TBATA: variants seen among roughly 807,000 people sequenced by gnomAD.
The protein encoded by TBATA is thymus, brain and testes associated, also known as protein TBATA.
Under a neutral mutation model 38.7 loss-of-function variants are expected in TBATA, and 47 were observed. The ratio of observed to expected loss-of-function variants is 1.21; its 90% CI spans 0.96 to 1.55. The LOEUF (loss-of-function observed/expected upper bound fraction) is 1.55, where lower values mean the gene tolerates loss of function less well. Ranked by LOEUF, TBATA falls within the 40% of genes most tolerant of loss-of-function variation. The probability of loss-of-function intolerance (pLI) is 0.00; values close to 1 mark genes in which losing one functional copy is unlikely to be tolerated. For missense variants in TBATA, 436 were observed against 435.6 expected, an observed-to-expected ratio of 1.00 and a Z score of -0.01; for synonymous variants, 183 against 170.5, an observed-to-expected ratio of 1.07 and a Z score of -0.57.
chr10:70,774,629 G>A (rs563784445), intron 8 of TBATA, among the ~76,000 whole-genome samples: 6 of 152,050 alleles, frequency 3.9e-5, no homozygotes, highest in African/African-American at 9.7e-5. Context: ...CCGGGCCCAC[G>A]CTGGGAAGTC....
chr10:70,775,308 C>G, intron 7 of TBATA, 38 bp from the exon 8 acceptor site: 1 of 1,581,308 alleles, frequency 6.3e-7, no homozygotes, highest in Non-Finnish European at 8.7e-7. Flanking sequence ...GCCAGGAGTA[C>G]AGGCAAGGAG....
chr10:70,772,456 A>C, intron 10 of TBATA, 58 bp downstream of exon 10: 2 of 1,551,014 alleles, frequency 1.3e-6, no homozygotes, highest in South Asian at 2.2e-5. Context: ...CCCCTGAGAA[A>C]TCCAGCCAGA....
At chr10:70,783,854 A>G (rs183559157) in intron 2 of TBATA, among the ~76,000 whole-genome samples, 59 of 152,358 alleles carry the variant, frequency 3.9e-4, no homozygotes, top group Admixed American at 1.8e-3. Context: ...TGGTTTTGCG[A>G]TGTTATATTT....
intron 10 of TBATA, chr10:70,772,213 T>C (rs1842859659): frequency 1.7e-6 from 1 of 586,024 alleles, no homozygotes. Flanking sequence ...CCTTACAGTA[T>C]CTGTCTCCAC....
chr10:70,782,293 G>A, intron 3 of TBATA: 1 of 1,490,288 alleles, frequency 6.7e-7, no homozygotes. Flanking sequence ...GACTCTCCCA[G>A]CACCCCAGTT....
At chr10:70,776,101 G>A (rs1182983962) in intron 7 of TBATA, among the ~76,000 whole-genome samples, 3 of 152,130 alleles carry the variant, frequency 2.0e-5, no homozygotes, top group African/African-American at 7.2e-5. Context: ...TCCTAAGAAA[G>A]TGAGGCCCCC....
At chr10:70,779,898 A>G (rs1843945148) in intron 4 of TBATA, 156 bp from the exon 5 acceptor site, 3 of 774,302 alleles carry the variant, frequency 3.9e-6, no homozygotes, top group Non-Finnish European at 5.7e-6. Flanking sequence ...CATTGTAACC[A>G]CCTAGACCAG....
chr10:70,782,379 G>A (rs969534494), intron 3 of TBATA: 2 of 1,338,116 alleles, frequency 1.5e-6, no homozygotes, highest in Non-Finnish European at 2.0e-6. Flanking sequence ...CCAGGATGGA[G>A]CAAAGTCACC....
At chr10:70,772,438 A>C in intron 10 of TBATA, 76 bp downstream of exon 10, 1 of 1,402,018 alleles carries the variant, frequency 7.1e-7, no homozygotes, top group Non-Finnish European at 1.0e-6. Flanking sequence ...CTCCAAGTTG[A>C]CTGGAATCCC....
intron 2 of TBATA, among the ~76,000 whole-genome samples, chr10:70,783,887 T>C (rs1238048130): frequency 6.6e-6 from 1 of 152,274 alleles, no homozygotes; most frequent in African/African-American, 2.4e-5. Flanking sequence ...TAACTCAATT[T>C]ACTTTTTATT....
chr10:70,785,079 A>T (rs935861610), intron 1 of TBATA, among the ~76,000 whole-genome samples: 1 of 152,218 alleles, frequency 6.6e-6, no homozygotes, highest in African/African-American at 2.4e-5. Context: ...CTAGTAGGCC[A>T]AGCCTGCCTT....
intron 5 of TBATA, 31 bp downstream of exon 5, chr10:70,779,562 G>T: frequency 6.9e-7 from 1 of 1,457,386 alleles, no homozygotes; most frequent in Non-Finnish European, 9.0e-7. Context: ...ATGAGCCCCA[G>T]GGTAGAGGGA....
At position 70,783,476 on chromosome 10, in the gene TBATA, G is replaced by C; in HGVS notation, c.-97C>G. 2 of 1,418,008 alleles carry C rather than the reference G, an allele frequency of 1.4e-6. No individual in the cohort carries two copies. Among genetic ancestry groups the C allele is most frequent in the South Asian group, 1.2e-5 (1 of 85,014 alleles). The allele number at this position is 1,418,008 out of a possible 1,614,324, so 87.8% of individuals were successfully genotyped here. On this transcript the variant is annotated 5_prime_UTR_variant, in exon 3 of 11. Coordinates refer to ENST00000456372, the MANE Select transcript of TBATA (RefSeq NM_001318241.2). ...ACTTAATACTAGTGTTGAGGATGCA[G>C]AACAGGAACTCTCACGAACTGGTGG...
chr10:70,784,450 A>C (rs1197629689), intron 2 of TBATA, among the ~76,000 whole-genome samples, 197 bp downstream of exon 2: 1 of 152,282 alleles, frequency 6.6e-6, no homozygotes, highest in East Asian at 1.9e-4. Context: ...AGTGCTAGGG[A>C]TGGGGTTGGG....
intron 4 of TBATA, among the ~76,000 whole-genome samples, chr10:70,781,307 C>A (rs1844180516): frequency 6.6e-6 from 1 of 152,258 alleles, no homozygotes; most frequent in South Asian, 2.1e-4. Flanking sequence ...TATCTTCCCA[C>A]TGCAGCCTGG....
intron 4 of TBATA, among the ~76,000 whole-genome samples, chr10:70,781,042 C>G (rs1364748185): frequency 6.6e-6 from 1 of 152,172 alleles, no homozygotes; most frequent in Non-Finnish European, 1.5e-5. Flanking sequence ...GGCCCAAATG[C>G]CTACCTGATC....
chr10:70,778,806 C>T (rs1843755168), intron 5 of TBATA, 170 bp from the exon 6 acceptor site: 2 of 700,040 alleles, frequency 2.9e-6, no homozygotes. Flanking sequence ...GGATTCACAC[C>T]ATGGGTGGTG....
chr10:70,782,605 G>T, intron 3 of TBATA: 5 of 985,456 alleles, frequency 5.1e-6, no homozygotes, highest in Non-Finnish European at 6.0e-6. Flanking sequence ...AGGAGAGGAA[G>T]AGCTGACGCA....
chr10:70,781,954 C>A lies in TBATA; in HGVS notation c.124G>T (p.Val42Leu), dbSNP rs1434539521. The A allele has an allele frequency of 3.7e-6, 6 of 1,614,230 alleles. No homozygotes were observed. The highest frequency in any genetic ancestry group is 1.6e-4 in the Middle Eastern group (1 of 6,062). ...PRDSGPQKELVIPGIVDFERI... is the reference protein window; with the variant it reads ...PRDSGPQKELLIPGIVDFERI... The stretch of plus-strand genomic sequence containing the variant: ...TCGAAATCCACAATCCCTGGGATCA[C>A]CAGTTCTTTCTGTGGCCCACTGTCC... Residue 42 changes from valine to leucine, a missense_variant, in exon 4 of 11, where the codon GTG (valine) becomes TTG (leucine). Val to Leu is a conservative substitution (Grantham distance 32). Transcript: ENST00000456372.
Sources: allele counts gnomAD v4.1 joint callset (sites outside exome capture counted in the v4.1 genomes callset), GRCh38; gene constraint gnomAD v4.1.1; transcripts MANE v1.5; gene names NCBI Gene and HGNC (gene_info 2026-07-23, HGNC 2026-07-21).